DEUP1: variants seen among roughly 807,000 people sequenced by gnomAD.
The protein encoded by DEUP1 is deuterosome assembly protein 1, also known as coiled-coil domain containing 67.
DEUP1 carries 82 observed loss-of-function variants against 87.4 expected under a neutral mutation model. That is an observed-to-expected ratio of 0.94 (90% CI 0.78 to 1.13). The LOEUF is 1.13. DEUP1 is among the 50% of genes most tolerant of loss of function. The pLI is 0.00. For missense variants in DEUP1, 663 were observed against 681.5 expected, an observed-to-expected ratio of 0.97 and a Z score of 0.30; for synonymous variants, 214 against 222.7, an observed-to-expected ratio of 0.96 and a Z score of 0.35.
At chr11:93,383,549 G>A in intron 7 of DEUP1, 1 of 654,968 alleles carries the variant, frequency 1.5e-6, no homozygotes, top group Non-Finnish European at 2.8e-6. Context: ...TAGTGGTGAT[G>A]TTCAACTTTG....
intron 11 of DEUP1, among the ~76,000 whole-genome samples, chr11:93,403,807 A>C (rs915384643): frequency 4.6e-5 from 7 of 151,904 alleles, no homozygotes; most frequent in African/African-American, 1.7e-4. Context: ...TAATTAGGAA[A>C]AAATCCATAA....
chr11:93,400,780 A>G (rs921375456), intron 11 of DEUP1, among the ~76,000 whole-genome samples: 3 of 152,172 alleles, frequency 2.0e-5, no homozygotes, highest in Admixed American at 6.5e-5. Flanking sequence ...TTCCCCCCAC[A>G]GAATACCAAA....
At chr11:93,417,875 C>T (rs935111540) in intron 13 of DEUP1, among the ~76,000 whole-genome samples, 12 of 152,082 alleles carry the variant, frequency 7.9e-5, no homozygotes, top group South Asian at 4.2e-4. Context: ...GAAATAATAC[C>T]GCATATCTAC....
chr11:93,391,491 C>T (rs1946763810), intron 9 of DEUP1, among the ~76,000 whole-genome samples: 1 of 152,048 alleles, frequency 6.6e-6, no homozygotes, highest in African/African-American at 2.4e-5. Flanking sequence ...GGGCGGATCA[C>T]GAGGTCAGGA....
chr11:93,400,048 G>C (rs1002046612), intron 11 of DEUP1, among the ~76,000 whole-genome samples: 1 of 152,110 alleles, frequency 6.6e-6, no homozygotes, highest in Non-Finnish European at 1.5e-5. Flanking sequence ...TAGGAAATAT[G>C]ATGTTATGTG....
At chr11:93,362,834 G>A (rs1007784554) in intron 4 of DEUP1, among the ~76,000 whole-genome samples, 1 of 151,848 alleles carries the variant, frequency 6.6e-6, no homozygotes, top group Non-Finnish European at 1.5e-5. Context: ...ACAAAATGTA[G>A]TGTATTTATG....
chr11:93,436,326 C>A (rs1453890382), intron 13 of DEUP1, among the ~76,000 whole-genome samples: 1 of 152,150 alleles, frequency 6.6e-6, no homozygotes, highest in African/African-American at 2.4e-5. Flanking sequence ...ATGGGCTAGG[C>A]CCCTTCAGAA....
chr11:93,407,429 C>CT, intron 11 of DEUP1, among the ~76,000 whole-genome samples: 1 of 152,058 alleles, frequency 6.6e-6, no homozygotes, highest in Middle Eastern at 3.4e-3. Context: ...CTGATGTCGC[C>CT]TTTTTCAGAA....
intron 2 of DEUP1, among the ~76,000 whole-genome samples, chr11:93,345,971 G>C (rs1944330351): frequency 6.6e-6 from 1 of 152,008 alleles, no homozygotes. Context: ...TTGTCTTCCA[G>C]GGTTTTTACA....
intron 2 of DEUP1, among the ~76,000 whole-genome samples, chr11:93,335,386 T>C (rs1387317456): frequency 6.6e-6 from 1 of 152,198 alleles, no homozygotes; most frequent in Non-Finnish European, 1.5e-5. Flanking sequence ...GTAAAAAGGC[T>C]AAAAAAGTTA....
intron 2 of DEUP1, among the ~76,000 whole-genome samples, chr11:93,348,641 T>G (rs78404510): frequency 0.021 from 3,141 of 152,312 alleles, 117 homozygotes; most frequent in African/African-American, 0.072. Context: ...AATTGTACGG[T>G]TTTGAGCGAA....
chr11:93,356,902 A>T, intron 3 of DEUP1, 46 bp from the exon 4 acceptor site: 1 of 1,223,596 alleles, frequency 8.2e-7, no homozygotes, highest in Non-Finnish European at 1.2e-6. Context: ...TGATTTTGTC[A>T]GGCAAAATTT....
At chr11:93,351,339 A>G (rs529101073) in intron 2 of DEUP1, among the ~76,000 whole-genome samples, 1 of 152,288 alleles carries the variant, frequency 6.6e-6, no homozygotes, top group African/African-American at 2.4e-5. Flanking sequence ...TTACATGCCA[A>G]AAGTTAGCAA....
At chr11:93,349,334 A>C (rs183785593) in intron 2 of DEUP1, among the ~76,000 whole-genome samples, 1 of 152,356 alleles carries the variant, frequency 6.6e-6, no homozygotes, top group Non-Finnish European at 1.5e-5. Context: ...AAGATAGTGA[A>C]AGGTGGCTTA....
At chr11:93,401,964 A>C (rs1444376013) in intron 11 of DEUP1, among the ~76,000 whole-genome samples, 2 of 151,916 alleles carry the variant, frequency 1.3e-5, no homozygotes, top group Non-Finnish European at 2.9e-5. Flanking sequence ...TTTTTGTGTA[A>C]GTTCTCAAAA....
At chr11:93,431,843 C>T (rs1463435137) in intron 13 of DEUP1, among the ~76,000 whole-genome samples, 1 of 152,080 alleles carries the variant, frequency 6.6e-6, no homozygotes, top group Non-Finnish European at 1.5e-5. Flanking sequence ...GGATTTCAAC[C>T]TGAGCATTGA....
intron 7 of DEUP1, among the ~76,000 whole-genome samples, chr11:93,380,275 T>G (rs1946240011): frequency 6.6e-6 from 1 of 152,222 alleles, no homozygotes. Context: ...AACTTCATTT[T>G]GTGATGTTTT....
chr11:93,371,348 T>C (rs1945717958), intron 7 of DEUP1, 68 bp downstream of exon 7: 3 of 1,398,086 alleles, frequency 2.1e-6, no homozygotes, highest in African/African-American at 1.4e-5. Context: ...ATATAGAGAT[T>C]AGAATGATTA....
chr11:93,428,622 TA>T (rs1948007758), intron 13 of DEUP1, among the ~76,000 whole-genome samples: 1 of 152,048 alleles, frequency 6.6e-6, no homozygotes. Context: ...AAAAGTTTTA[TA>T]ACAAAACCAT....
Sources: gnomAD v4.1 joint callset for allele counts (sites outside exome capture counted in the v4.1 genomes callset) on GRCh38, gnomAD v4.1.1 for gene constraint, MANE v1.5 for transcripts, NCBI Gene and HGNC (gene_info 2026-07-23, HGNC 2026-07-21) for gene names.